C5: variants seen among roughly 807,000 people sequenced by gnomAD.
C5 encodes complement C5, also known as C3 and PZP-like alpha-2-macroglobulin domain-containing protein 4.
In C5, 140 loss-of-function variants were observed where a neutral mutation model predicts 218.8. That is an observed-to-expected ratio of 0.64 (90% confidence interval 0.56 to 0.74). The LOEUF (loss-of-function observed/expected upper bound fraction) is 0.74, where lower values mean the gene tolerates loss of function less well. C5 is among the 30% of genes least tolerant of loss of function. The probability of loss-of-function intolerance (pLI) is 0.00; values close to 1 mark genes in which losing one functional copy is unlikely to be tolerated. For synonymous variants in C5, 614 were observed against 682.3 expected, an observed-to-expected ratio of 0.90 and a Z score of 1.56; for missense variants, 1,700 against 1,969.6, an observed-to-expected ratio of 0.86 and a Z score of 2.59.
At chr9:121,063,317 A>G in the C5 span, among the ~76,000 whole-genome samples, 1 of 151,778 alleles carries the variant, frequency 6.6e-6, no homozygotes, top group Admixed American at 6.6e-5. Flanking sequence ...GAGTGTCCCT[A>G]TTGAATTTTT....
At chr9:120,952,981 T>C (rs1588161190) in intron 40 of C5, 113 bp from the exon 41 acceptor site, 1 of 1,104,830 alleles carries the variant, frequency 9.1e-7, no homozygotes, top group East Asian at 2.8e-5. Context: ...TGGAGTGCAG[T>C]GGCGTGATCT....
intron 12 of C5, among the ~76,000 whole-genome samples, chr9:121,019,043 T>G (rs781646643): frequency 1.3e-5 from 2 of 152,132 alleles, no homozygotes. Flanking sequence ...AAACCCCTTT[T>G]GTTTCACCGA....
At chr9:121,072,783 G>A in the C5 span, among the ~76,000 whole-genome samples, 1 of 148,554 alleles carries the variant, frequency 6.7e-6, no homozygotes, top group East Asian at 2.0e-4. Flanking sequence ...TCCAGCCTGG[G>A]TGACAGAGCC....
At chr9:120,998,177 C>T (rs888765402) in intron 20 of C5, among the ~76,000 whole-genome samples, 1 of 152,164 alleles carries the variant, frequency 6.6e-6, no homozygotes, top group Admixed American at 6.5e-5. Context: ...TCCACTTTAA[C>T]AATGTTAAAA....
chr9:120,989,724 G>A lies in C5; in HGVS notation c.2998C>T (p.Leu1000=). ...AVLSQEGINI[L]THLPKGSAEA... ...GCACTCCCTTTGGGGAGGTGGGTTAGGATATTGATGCCTTCCTGACTTAGA... is the reference window on the plus strand; with the variant it reads ...GCACTCCCTTTGGGGAGGTGGGTTAAGATATTGATGCCTTCCTGACTTAGA... Residue 1000 remains leucine (L), a synonymous_variant, in exon 24 of 41, where the codon CTA becomes TTA. Transcript: ENST00000223642. 1 of 1,614,104 alleles carries A rather than the reference G, an allele frequency of 6.2e-7. No homozygotes were observed. Among genetic ancestry groups the A allele is most frequent in the South Asian group, 1.1e-5 (1 of 91,072 alleles).
intron 26 of C5, 28 bp from the exon 27 acceptor site, chr9:120,981,967 G>A: frequency 6.8e-7 from 1 of 1,476,626 alleles, no homozygotes; most frequent in African/African-American, 1.4e-5. Context: ...TTTAAAAGGG[G>A]AGTGAAATGG....
the C5 span, among the ~76,000 whole-genome samples, chr9:121,064,992 T>G: frequency 1.3e-5 from 2 of 151,996 alleles, no homozygotes; most frequent in Non-Finnish European, 2.9e-5. Context: ...ATCGCTTGAA[T>G]CCAGGAGGCA....
Position 120,997,630 on chromosome 9 carries a change from G to A in C5, c.2707C>T (p.Leu903=), listed in dbSNP as rs775664972. The change falls in exon 21 of 41, where the codon CTG becomes TTG. Residue 903 remains leucine, a synonymous_variant. Transcript: ENST00000223642. ...TTGATGTTGTGAAGGCCAATTTCCAGAGGAAGCACAGTGAATGTCACCAAG... is the reference window on the plus strand; with the variant it reads ...TTGATGTTGTGAAGGCCAATTTCCAAAGGAAGCACAGTGAATGTCACCAAG... ...SHLVTFTVLP[L]EIGLHNINFS... 5.0e-6 allele frequency: 8 copies of A among 1,613,934 alleles called. No individual in the cohort carries two copies. The highest frequency in any genetic ancestry group is 2.2e-5 in the South Asian group (2 of 91,080).
chr9:120,967,754 AT>A (rs2046879852), intron 33 of C5, among the ~76,000 whole-genome samples: 1 of 151,684 alleles, frequency 6.6e-6, no homozygotes, highest in Admixed American at 6.6e-5. Flanking sequence ...CAAGGTCTCA[AT>A]TTTTCGTCCA....
chr9:120,988,909 C>A (rs56156677), intron 25 of C5, 137 bp downstream of exon 25: 2 of 744,604 alleles, frequency 2.7e-6, no homozygotes, highest in Non-Finnish European at 4.9e-6. Flanking sequence ...CAGATGTGAA[C>A]GGTAAGAGAA....
At chr9:121,057,837 A>G in the C5 span, among the ~76,000 whole-genome samples, 1 of 152,140 alleles carries the variant, frequency 6.6e-6, no homozygotes, top group Non-Finnish European at 1.5e-5. Flanking sequence ...GGCACTCTAA[A>G]CAGTTTTGTC....
chr9:121,015,255 G>A lies in C5; in HGVS notation c.2003C>T (p.Pro668Leu). The change falls in exon 16 of 41, where the codon CCT (proline) becomes CTT (leucine). Residue 668 changes from proline to leucine, a missense_variant. By Grantham distance (98) the Pro-to-Leu change is moderately conservative. Coordinates refer to ENST00000223642, the MANE Select transcript of C5 (RefSeq NM_001735.3). ...NADDSQENDE[P>L]CKEILRPRRT... is the part of the protein sequence containing the mutation. ...TCTTGGCCTGAGAATTTCTTTACAA[G>A]GTTCATCTGGTTTTTTTAAAAAAAG... 6.3e-7 allele frequency: 1 copy of A among 1,599,944 alleles called. No individual in the cohort carries two copies. The highest frequency in any genetic ancestry group is 1.3e-5 in the African/African-American group (1 of 74,548).
intron 17 of C5, among the ~76,000 whole-genome samples, chr9:121,012,377 G>A (rs1261639353): frequency 1.3e-5 from 2 of 152,134 alleles, no homozygotes; most frequent in African/African-American, 4.8e-5. Flanking sequence ...AGCCAGGCAT[G>A]GTGGCAGGTG....
chr9:120,963,008 T>G, intron 34 of C5, 41 bp from the exon 35 acceptor site: 1 of 1,502,228 alleles, frequency 6.7e-7, no homozygotes, highest in Non-Finnish European at 9.3e-7. Context: ...CATTTCATTA[T>G]CTTTTTGTTT....
At chr9:121,060,633 C>T in the C5 span, among the ~76,000 whole-genome samples, 1 of 151,982 alleles carries the variant, frequency 6.6e-6, no homozygotes. Flanking sequence ...AAAATAACTG[C>T]CAAATCTCTC....
At position 121,015,232 on chromosome 9, in the gene C5, T is replaced by C; in HGVS notation, c.2026A>G (p.Arg676Gly). 6.2e-7 allele frequency: 1 copy of C among 1,607,790 alleles called. No homozygotes were observed. Among genetic ancestry groups the C allele is most frequent in the Middle Eastern group, 1.7e-4 (1 of 6,046 alleles). Residue 676 changes from arginine (R) to glycine (G), a missense_variant, in exon 16 of 41, where the codon AGA becomes GGA. Arg to Gly is a moderately radical substitution (Grantham distance 125). Transcript: ENST00000223642. The part of the protein sequence containing the change: ...DEPCKEILRP[R>G]RTLQKKIEEI... ...TCTATCTTCTTTTGCAGCGTTCTTCTTGGCCTGAGAATTTCTTTACAAGGT... is the reference window on the plus strand; with the variant it reads ...TCTATCTTCTTTTGCAGCGTTCTTCCTGGCCTGAGAATTTCTTTACAAGGT...
intron 38 of C5, among the ~76,000 whole-genome samples, chr9:120,957,840 C>T (rs181153336): frequency 6.6e-6 from 1 of 152,246 alleles, no homozygotes; most frequent in East Asian, 1.9e-4. Flanking sequence ...GGCTTTAATC[C>T]TTGGTTTTTA....
intron 20 of C5, among the ~76,000 whole-genome samples, chr9:120,998,087 T>G (rs2131724638): frequency 6.6e-6 from 1 of 152,280 alleles, no homozygotes; most frequent in African/African-American, 2.4e-5. Context: ...ACAGGCATGA[T>G]GCTGTAATCC....
chr9:120,993,099 C>A (rs1450335324), intron 22 of C5, among the ~76,000 whole-genome samples: 4 of 152,098 alleles, frequency 2.6e-5, no homozygotes, highest in Non-Finnish European at 5.9e-5. Flanking sequence ...CAAATTAAAA[C>A]AATAATGAGA....
Sources: gnomAD v4.1 joint callset for allele counts (sites outside exome capture counted in the v4.1 genomes callset) on GRCh38, gnomAD v4.1.1 for gene constraint, MANE v1.5 for transcripts, NCBI Gene and HGNC (gene_info 2026-07-23, HGNC 2026-07-21) for gene names.